AP1S3: variants seen among roughly 807,000 people sequenced by gnomAD.
The protein encoded by AP1S3 is adaptor related protein complex 1 subunit sigma 3, also known as AP-1 complex subunit sigma-3.
In AP1S3, 10 loss-of-function variants were observed where a neutral mutation model predicts 20.9. That is an observed-to-expected ratio of 0.48 (90% CI 0.29 to 0.81). AP1S3 has a LOEUF of 0.81. AP1S3 is among the 30% of genes least tolerant of loss of function. AP1S3 has a pLI of 0.08. For missense variants in AP1S3, 154 were observed against 183.8 expected (o/e 0.84, Z 0.94); for synonymous variants, 41 against 61.5 (o/e 0.67, Z 1.56).
intron 4 of AP1S3, 44 bp downstream of exon 4, chr2:223,765,169 C>CATG (rs1553580239): frequency 6.2e-7 from 1 of 1,606,596 alleles, no homozygotes; most frequent in East Asian, 2.2e-5. Context: ...CCATCATCAT[C>CATG]ATCATCATCA....
intron 4 of AP1S3, among the ~76,000 whole-genome samples, chr2:223,763,792 G>A (rs1574684301): frequency 6.6e-6 from 1 of 152,182 alleles, no homozygotes; most frequent in Non-Finnish European, 1.5e-5. Context: ...GGCTGGGCAG[G>A]AGCAAGTAAT....
intron 1 of AP1S3, 40 bp from the exon 2 acceptor site, chr2:223,777,909 A>T (rs369771809): frequency 3.8e-6 from 6 of 1,563,684 alleles, no homozygotes; most frequent in Non-Finnish European, 5.2e-6. Context: ...TGATCAACCA[A>T]GTCACTCTGC....
chr2:223,779,545 A>G (rs1240650670), intron 1 of AP1S3, among the ~76,000 whole-genome samples: 1 of 152,220 alleles, frequency 6.6e-6, no homozygotes, highest in African/African-American at 2.4e-5. Context: ...TAGAATCATA[A>G]TTTATTTTGT....
intron 2 of AP1S3, 139 bp downstream of exon 2, chr2:223,777,552 T>G (rs1037910750): frequency 7.0e-6 from 5 of 713,396 alleles, no homozygotes; most frequent in African/African-American, 1.8e-5. Flanking sequence ...TTCTAGTTAG[T>G]CTATTGGTAC....
At position 223,829,265 on chromosome 2, in the gene AP1S3, G is replaced by A. The variant is rs564083355; in HGVS notation, c.3+8183C>T. ...TTAGTGGAAGCTGCCCTAGAAAATG[G>A]GTCAATAAGCCATGACTTACAGGCC... is the stretch of plus-strand genomic sequence containing the variant. On this transcript the variant is annotated intron_variant, in intron 1 of 4. Coordinates refer to ENST00000396654, the MANE Select transcript of AP1S3 (RefSeq NM_001039569.2). 1.3e-5 allele frequency among the ~76,000 whole-genome samples: 2 copies of A among 152,158 alleles called. 1 individual carries two copies. The highest frequency in any genetic ancestry group is 4.1e-4 in the South Asian group (2 of 4,836).
chr2:223,778,459 C>T (rs1462344341), intron 1 of AP1S3, among the ~76,000 whole-genome samples: 1 of 151,610 alleles, frequency 6.6e-6, no homozygotes. Context: ...TATAAACACA[C>T]ATAGGGAAAA....
At chr2:223,817,634 A>T (rs1300707440) in intron 1 of AP1S3, among the ~76,000 whole-genome samples, 1 of 151,462 alleles carries the variant, frequency 6.6e-6, no homozygotes, top group Non-Finnish European at 1.5e-5. Context: ...AGAAAAGAAA[A>T]CTATTTGGAA....
chr2:223,825,267 C>G (rs925285427), intron 1 of AP1S3, among the ~76,000 whole-genome samples: 4 of 151,412 alleles, frequency 2.6e-5, no homozygotes, highest in African/African-American at 9.7e-5. Context: ...GAGCTGAGAT[C>G]GCGCCACTGC....
intron 1 of AP1S3, among the ~76,000 whole-genome samples, chr2:223,807,381 A>G (rs1691607871): frequency 6.6e-6 from 1 of 152,192 alleles, no homozygotes; most frequent in Non-Finnish European, 1.5e-5. Flanking sequence ...TTATTCAGGG[A>G]CATCACCTCA....
intron 4 of AP1S3, among the ~76,000 whole-genome samples, chr2:223,762,624 T>C (rs1276013427): frequency 6.6e-6 from 1 of 152,178 alleles, no homozygotes; most frequent in Non-Finnish European, 1.5e-5. Context: ...CACATTGTTG[T>C]TACCCCCAAA....
At chr2:223,803,501 T>C (rs548312074) in intron 1 of AP1S3, among the ~76,000 whole-genome samples, 1 of 152,300 alleles carries the variant, frequency 6.6e-6, no homozygotes, top group Admixed American at 6.5e-5. Context: ...TCAACGAAAA[T>C]TGTTCTTAAA....
At chr2:223,825,687 GT>G (rs35962834) in intron 1 of AP1S3, among the ~76,000 whole-genome samples, 1 of 151,792 alleles carries the variant, frequency 6.6e-6, no homozygotes, top group East Asian at 1.9e-4. Flanking sequence ...TATTTGTGGG[GT>G]TTTTTTTCCT....
At chr2:223,779,068 T>A (rs1690861009) in intron 1 of AP1S3, among the ~76,000 whole-genome samples, 1 of 152,222 alleles carries the variant, frequency 6.6e-6, no homozygotes, top group South Asian at 2.1e-4. Flanking sequence ...CCATCTCAAG[T>A]TACAATTGTC....
chr2:223,770,202 G>GT, intron 3 of AP1S3: 2 of 1,550,824 alleles, frequency 1.3e-6, no homozygotes, highest in Non-Finnish European at 1.7e-6. Context: ...GTTACCAGAG[G>GT]TCAGAAAAGG....
chr2:223,806,277 A>ATTTTTTTTT (rs144953846), intron 1 of AP1S3, among the ~76,000 whole-genome samples: 4 of 111,050 alleles, frequency 3.6e-5, no homozygotes, highest in Admixed American at 1.1e-4. Context: ...AAACAAAGGA[A>ATTTTTTTTT]TTTTTTTTTT....
At chr2:223,820,503 C>G (rs964051699) in intron 1 of AP1S3, among the ~76,000 whole-genome samples, 3 of 151,612 alleles carry the variant, frequency 2.0e-5, no homozygotes, top group Admixed American at 1.3e-4. Context: ...CACTTTAATA[C>G]TCTAAATCAG....
chr2:223,789,635 T>A (rs1691163864), intron 1 of AP1S3, among the ~76,000 whole-genome samples: 4 of 144,534 alleles, frequency 2.8e-5, no homozygotes, highest in Non-Finnish European at 4.5e-5. Flanking sequence ...AGACCAGGAG[T>A]TCAAGGCCAG....
Position 223,798,851 on chromosome 2 carries a change from C to T in AP1S3, c.4-20982G>A, listed in dbSNP as rs189864772. 9.3e-3 allele frequency among the ~76,000 whole-genome samples: 1,420 copies of T among 152,296 alleles called. 12 individuals are homozygous for T. Among genetic ancestry groups the T allele is most frequent in the Middle Eastern group, 0.014 (4 of 294 alleles). ...CTTTGGGAGGCCAAGGTGGGCAGAT[C>T]ACCTGAGGTCCGGAGTTTGAGACCA... On this transcript the variant is annotated intron_variant, in intron 1 of 4. Coordinates refer to ENST00000396654, the MANE Select transcript of AP1S3 (RefSeq NM_001039569.2).
intron 1 of AP1S3, among the ~76,000 whole-genome samples, chr2:223,813,866 G>A (rs1182229064): frequency 2.0e-5 from 3 of 152,100 alleles, no homozygotes; most frequent in Admixed American, 6.5e-5. Context: ...ACCCCAATGA[G>A]GCCAAAAGAC....
Sources: allele counts gnomAD v4.1 joint callset (sites outside exome capture counted in the v4.1 genomes callset), GRCh38; gene constraint gnomAD v4.1.1; transcripts MANE v1.5; gene names NCBI Gene and HGNC (gene_info 2026-07-23, HGNC 2026-07-21).